TBC1D4: variants seen among roughly 807,000 people sequenced by gnomAD.
The protein encoded by TBC1D4 is TBC1 domain family member 4.
In TBC1D4, 121 loss-of-function variants were observed where a neutral mutation model predicts 142.5. The ratio of observed to expected loss-of-function variants is 0.85; its 90% CI spans 0.73 to 0.99. The LOEUF (loss-of-function observed/expected upper bound fraction) is 0.99, where lower values mean the gene tolerates loss of function less well. TBC1D4 is among the 50% of genes least tolerant of loss of function. The pLI is 0.00. For missense variants in TBC1D4, 1,475 were observed against 1,606.6 expected (o/e 0.92, Z 1.40); for synonymous variants, 630 against 628.2 (o/e 1.00, Z -0.04).
At chr13:75,423,576 A>G (rs1886255480) in intron 1 of TBC1D4, among the ~76,000 whole-genome samples, 1 of 152,232 alleles carries the variant, frequency 6.6e-6, no homozygotes, top group Non-Finnish European at 1.5e-5. Flanking sequence ...AAGCAGGTGA[A>G]GACATCAATC....
chr13:75,308,472 G>A (rs1346156396), intron 14 of TBC1D4, among the ~76,000 whole-genome samples: 1 of 152,114 alleles, frequency 6.6e-6, no homozygotes, highest in Non-Finnish European at 1.5e-5. Flanking sequence ...CCTTTCCCAA[G>A]CCAGTCACTA....
At chr13:75,388,741 C>A (rs1388200328) in intron 1 of TBC1D4, among the ~76,000 whole-genome samples, 1 of 152,116 alleles carries the variant, frequency 6.6e-6, no homozygotes, top group African/African-American at 2.4e-5. Context: ...TTCAGGGAAC[C>A]CCAGAGTTCT....
In TBC1D4 at chr13:75,326,409, C is replaced by G. The variant is rs1879266557; in HGVS notation, c.1821G>C (p.Gly607=). ...SLASEKDYSP[G]DSPPGTPPAS... is the part of the protein sequence containing the mutation. Reference sequence around the variant, plus strand: ...CTGGCGGTGTCCCTGGTGGAGAATCCCCTGGTGAGTAGTCCTGAAACACAA... The same window carrying G: ...CTGGCGGTGTCCCTGGTGGAGAATCGCCTGGTGAGTAGTCCTGAAACACAA... The change falls in exon 10 of 21, where the codon GGG becomes GGC. Residue 607 remains glycine, a synonymous_variant. Coordinates refer to ENST00000377636, the MANE Select transcript of TBC1D4 (RefSeq NM_014832.5). The G allele has an allele frequency of 6.2e-7, 1 of 1,613,964 alleles. No homozygotes were observed. Among genetic ancestry groups the G allele is most frequent in the African/African-American group, 1.3e-5 (1 of 74,886 alleles).
At chr13:75,476,199 C>T (rs1302594704) in intron 1 of TBC1D4, among the ~76,000 whole-genome samples, 1 of 152,056 alleles carries the variant, frequency 6.6e-6, no homozygotes, top group Non-Finnish European at 1.5e-5. Context: ...GCCGAGATCG[C>T]GCCACTGCAC....
chr13:75,409,426 G>T, intron 1 of TBC1D4, among the ~76,000 whole-genome samples: 1 of 152,234 alleles, frequency 6.6e-6, no homozygotes, highest in East Asian at 1.9e-4. Context: ...CTGGGTTCAC[G>T]ATTAATCTGT....
chr13:75,391,603 C>A (rs1160311183), intron 1 of TBC1D4, among the ~76,000 whole-genome samples: 1 of 152,204 alleles, frequency 6.6e-6, no homozygotes, highest in Non-Finnish European at 1.5e-5. Flanking sequence ...CTTCAGACTC[C>A]TTTTCTTATT....
In TBC1D4 at chr13:75,481,897, G is replaced by A. The variant is rs2138372390; in HGVS notation, c.-130C>T. The stretch of plus-strand genomic sequence containing the variant: ...TCCCGCGCCTGCCTGGGAGCGGCGC[G>A]ACCCCGAACTCCGCGCTTCAGCAGC... On this transcript the variant is annotated 5_prime_UTR_variant, in exon 1 of 21. Transcript: ENST00000377636. The A allele has an allele frequency of 7.7e-7, 1 of 1,292,974 alleles. No individual in the cohort carries two copies. The highest frequency in any genetic ancestry group is 1.9e-5 in the South Asian group (1 of 52,382). 80.1% of individuals were successfully genotyped at this position (1,292,974 alleles called of 1,614,324 possible). A position where few individuals can be genotyped will look rare whatever the true frequency, so the allele number is the denominator to read the frequency against.
intron 1 of TBC1D4, among the ~76,000 whole-genome samples, chr13:75,392,454 A>C (rs1593834446): frequency 6.6e-6 from 1 of 152,156 alleles, no homozygotes; most frequent in African/African-American, 2.4e-5. Flanking sequence ...TGGCACTTGC[A>C]AGACAACCTC....
chr13:75,437,354 T>A (rs773366654), intron 1 of TBC1D4, among the ~76,000 whole-genome samples: 9 of 152,158 alleles, frequency 5.9e-5, no homozygotes, highest in Non-Finnish European at 1.0e-4. Flanking sequence ...TTAAAAAAAA[T>A]TATAGTAACA....
rs58849816 is a variant in TBC1D4 at position 75,396,100 on chromosome 13, T to G, written c.499-33493A>C. 1.5e-3 allele frequency among the ~76,000 whole-genome samples: 228 copies of G among 152,334 alleles called. 1 individual carries two copies. The highest frequency in any genetic ancestry group is 5.1e-3 in the African/African-American group (214 of 41,578). On this transcript the variant is annotated intron_variant, in intron 1 of 20. Transcript: ENST00000377636. The stretch of plus-strand genomic sequence containing the variant: ...CAGGCTTATTTCACCTGCTTATAAT[T>G]TATGTAAGGGGTAAATGTTTAATCC...
intron 1 of TBC1D4, among the ~76,000 whole-genome samples, chr13:75,475,097 T>C (rs1275565899): frequency 6.6e-6 from 1 of 152,204 alleles, no homozygotes; most frequent in African/African-American, 2.4e-5. Context: ...CGTTCACTTT[T>C]AAGGAAATGC....
rs144433038 is a variant in TBC1D4, at chr13:75,393,845, C to T, written c.499-31238G>A. On this transcript the variant is annotated intron_variant, in intron 1 of 20. Transcript: ENST00000377636. ...ACTCTGGAGGCTGAGGCAGGAGAAT[C>T]GAACCAGGGAGACGAAGGTTGCAGT... 3.0e-3 allele frequency among the ~76,000 whole-genome samples: 446 copies of T among 150,814 alleles called. 1 individual carries two copies. The highest frequency in any genetic ancestry group is 0.011 in the African/African-American group (431 of 41,000).
At chr13:75,377,146 C>T (rs965824810) in intron 1 of TBC1D4, 12 of 152,206 alleles carry the variant, frequency 7.9e-5, no homozygotes, top group African/African-American at 2.9e-4. Flanking sequence ...TAGCCAGCTG[C>T]TAAATAAATA....
intron 1 of TBC1D4, among the ~76,000 whole-genome samples, chr13:75,392,378 C>T (rs1884535205): frequency 1.3e-5 from 2 of 152,116 alleles, no homozygotes; most frequent in African/African-American, 4.8e-5. Flanking sequence ...TCCTATATTT[C>T]ATTTATTCTC....
chr13:75,340,990 G>T (rs1593756802), intron 7 of TBC1D4, 135 bp downstream of exon 7: 1 of 754,670 alleles, frequency 1.3e-6, no homozygotes, highest in East Asian at 2.6e-5. Context: ...TAAAATGCTG[G>T]GCGGGGGAGT....
At chr13:75,471,403 T>C (rs1888393919) in intron 1 of TBC1D4, among the ~76,000 whole-genome samples, 1 of 152,188 alleles carries the variant, frequency 6.6e-6, no homozygotes, top group African/African-American at 2.4e-5. Flanking sequence ...ATAAATAGAA[T>C]ACACCACCAC....
intron 4 of TBC1D4, among the ~76,000 whole-genome samples, chr13:75,351,967 C>T (rs1369856798): frequency 3.9e-5 from 6 of 152,188 alleles, no homozygotes; most frequent in African/African-American, 9.7e-5. Flanking sequence ...CACATTTTAT[C>T]GCATTTTATA....
intron 1 of TBC1D4, among the ~76,000 whole-genome samples, chr13:75,459,718 T>G (rs888647251): frequency 6.6e-6 from 1 of 152,230 alleles, no homozygotes; most frequent in Non-Finnish European, 1.5e-5. Flanking sequence ...TATGAACCTT[T>G]TAGTGTCTAG....
intron 1 of TBC1D4, among the ~76,000 whole-genome samples, chr13:75,435,706 C>G (rs1213519667): frequency 2.0e-5 from 3 of 152,118 alleles, no homozygotes; most frequent in Non-Finnish European, 2.9e-5. Context: ...CTAAAAGAAT[C>G]TGGGAGTTTC....
Sources: gnomAD v4.1 joint callset for allele counts (sites outside exome capture counted in the v4.1 genomes callset) on GRCh38, gnomAD v4.1.1 for gene constraint, MANE v1.5 for transcripts, NCBI Gene and HGNC (gene_info 2026-07-23, HGNC 2026-07-21) for gene names.